Variants in PLA2G4F observed in about 807,000 individuals in gnomAD.
The protein encoded by PLA2G4F is cytosolic phospholipase A2 zeta.
Under a neutral mutation model 103.1 loss-of-function variants are expected in PLA2G4F, and 105 were observed. The observed-to-expected ratio is 1.02, with a 90% CI of 0.87 to 1.20. PLA2G4F has a LOEUF of 1.20. PLA2G4F is among the 50% of genes most tolerant of loss of function. The probability of loss-of-function intolerance (pLI) is 0.00; values close to 1 mark genes in which losing one functional copy is unlikely to be tolerated. For synonymous variants in PLA2G4F, 468 were observed against 441.1 expected (o/e 1.06, Z -0.76); for missense variants, 1,155 against 1,075.9 (o/e 1.07, Z -1.03).
At chr15:42,143,952 C>T in intron 18 of PLA2G4F, 26 bp downstream of exon 18, 2 of 1,581,020 alleles carry the variant, frequency 1.3e-6, no homozygotes, top group African/African-American at 1.3e-5. Context: ...TGCAGGTGCT[C>T]CCCACATCCC....
rs775994256 is a variant in PLA2G4F at position 42,150,419 on chromosome 15, G to C, written c.839C>G (p.Ser280Cys). Residue 280 changes from serine (S) to cysteine (C), a missense_variant, in exon 9 of 20, where the codon TCT (serine) becomes TGT (cysteine). Ser to Cys is a moderately radical substitution (Grantham distance 112). Around this residue, in one of 3 missense-constraint regions of PLA2G4F, gnomAD observed 370 missense variants for 364.9 expected, o/e 1.01. Transcript: ENST00000397272. ...CTGTTCCTCCTGGCCTAGGGGCAGA[G>C]AGGAGAGCAGGATGCCCCCCTCGCC... ...KLGEGGILLS[S>C]LPLGQEEQCS... 6 of 1,613,224 alleles carry C rather than the reference G, an allele frequency of 3.7e-6. No individual in the cohort carries two copies. Among genetic ancestry groups the C allele is most frequent in the Non-Finnish European group, 5.1e-6 (6 of 1,179,946 alleles).
chr15:42,151,734 A>T (rs2048964421), intron 7 of PLA2G4F: 2 of 863,974 alleles, frequency 2.3e-6, no homozygotes, highest in Non-Finnish European at 2.8e-6. Context: ...GAGACGTGCT[A>T]TTCATAAGAA....
At chr15:42,151,315 C>T (rs2048959771) in intron 7 of PLA2G4F, 1 of 985,146 alleles carries the variant, frequency 1.0e-6, no homozygotes, top group African/African-American at 1.7e-5. Context: ...GATGCACGTC[C>T]TGGAGAAGCG....
Position 42,145,664 on chromosome 15 carries a change from A to G in PLA2G4F, c.1691T>C (p.Phe564Ser), listed in dbSNP as rs1566878414. 2 of 1,614,082 alleles carry G rather than the reference A, an allele frequency of 1.2e-6. No homozygotes were observed. The highest frequency in any genetic ancestry group is 1.1e-5 in the South Asian group (1 of 91,086). The part of the protein sequence containing the change: ...CYLQGMWGSA[F>S]ATSLDEIFLK... The stretch of plus-strand genomic sequence containing the variant: ...GAAGATCTCATCCAGGCTGGTGGCA[A>G]AGGCGCTGCCCCACATACCTAAGGA... The change falls in exon 16 of 20, where the codon TTT becomes TCT. Residue 564 changes from phenylalanine to serine, a missense_variant. Physicochemically the swap from Phe to Ser is radical, Grantham distance 155 (BLOSUM62 -2). Coordinates refer to ENST00000397272, the MANE Select transcript of PLA2G4F (RefSeq NM_213600.4).
rs1195405720 is a variant in PLA2G4F at position 42,142,533 on chromosome 15, G to A, written c.2324C>T (p.Ala775Val). 9 of 1,612,970 alleles carry A rather than the reference G, an allele frequency of 5.6e-6. No individual in the cohort carries two copies. In the East Asian group the frequency reaches 6.7e-5, roughly 12 times the overall value. ...LVNRTFRTHLAPGVERQTAEE... is the reference protein window; with the variant it reads ...LVNRTFRTHLVPGVERQTAEE... ...AGGCCTGGAGCTTCCCTTACCTGGGGCCAGGTGTGTGCGGAAGGTACGGTT... is the reference window on the plus strand; with the variant it reads ...AGGCCTGGAGCTTCCCTTACCTGGGACCAGGTGTGTGCGGAAGGTACGGTT... Residue 775 changes from alanine (A) to valine (V), a missense_variant, in exon 19 of 20, where the codon GCC (alanine) becomes GTC (valine). Coordinates refer to ENST00000397272, the MANE Select transcript of PLA2G4F (RefSeq NM_213600.4).
chr15:42,146,006 C>G, intron 14 of PLA2G4F, 103 bp from the exon 15 acceptor site: 2 of 1,587,130 alleles, frequency 1.3e-6, no homozygotes, highest in Non-Finnish European at 1.7e-6. Flanking sequence ...AAGCAGCAGC[C>G]CCGCTGTGCT....
At chr15:42,151,972 C>T (rs1288948758) in intron 7 of PLA2G4F, among the ~76,000 whole-genome samples, 1 of 152,194 alleles carries the variant, frequency 6.6e-6, no homozygotes, top group Non-Finnish European at 1.5e-5. Flanking sequence ...ACTCAGGGTT[C>T]CCTGGGCAGG....
chr15:42,147,749 G>A lies in PLA2G4F; in HGVS notation c.1073C>T (p.Ala358Val), dbSNP rs2140806882. 2 of 1,611,296 alleles carry A rather than the reference G, an allele frequency of 1.2e-6. No individual in the cohort carries two copies. The highest frequency in any genetic ancestry group is 8.5e-7 in the Non-Finnish European group (1 of 1,178,644). ...GGTTCCACCCCCGGAACCCAACACAGCCACTACAGGCACCTGGGTACAATA... is the reference window on the plus strand; with the variant it reads ...GGTTCCACCCCCGGAACCCAACACAACCACTACAGGCACCTGGGTACAATA... ...ALDSGQVPVV[A>V]VLGSGGGTRA... is the part of the protein sequence containing the mutation. Residue 358 changes from alanine (A) to valine (V), a missense_variant, in exon 12 of 20, where the codon GCT becomes GTT. By Grantham distance (64) the Ala-to-Val change is moderately conservative. Coordinates refer to ENST00000397272, the MANE Select transcript of PLA2G4F (RefSeq NM_213600.4).
intron 17 of PLA2G4F, 26 bp downstream of exon 17, chr15:42,144,424 C>T (rs763483161): frequency 7.0e-5 from 113 of 1,609,952 alleles, no homozygotes; most frequent in Non-Finnish European, 8.6e-5. Context: ...GGAAGCCCCC[C>T]ATCTCCCACC....
intron 7 of PLA2G4F, 129 bp from the exon 8 acceptor site, chr15:42,150,906 C>G (rs1196875737): frequency 1.4e-6 from 2 of 1,472,264 alleles, no homozygotes; most frequent in South Asian, 1.4e-5. Flanking sequence ...CTCTTATCGC[C>G]CGCTCTCTCT....
chr15:42,151,729 G>A lies in PLA2G4F; in HGVS notation c.602-952C>T, dbSNP rs548338649. ...AAGGCCTATGGACTGAGATGGAGAC[G>A]TGCTATTCATAAGAAGAAACCATAT... On this transcript the variant is annotated intron_variant, in intron 7 of 19. Transcript: ENST00000397272. 43 of 875,026 alleles carry A rather than the reference G, an allele frequency of 4.9e-5. 1 individual carries two copies. In the African/African-American group the frequency reaches 5.3e-4, roughly 11 times the overall value. 54.2% of individuals were successfully genotyped at this position (875,026 alleles called of 1,614,324 possible). A position where few individuals can be genotyped will look rare whatever the true frequency, so the allele number is the denominator to read the frequency against.
intron 19 of PLA2G4F, 103 bp from the exon 20 acceptor site, chr15:42,142,307 C>A (rs654527): frequency 0.69 from 861,218 of 1,244,630 alleles, 301,106 homozygotes; most frequent in African/African-American, 0.92. Flanking sequence ...GGCTGGCTCC[C>A]TGCGGGCCCT....
chr15:42,142,130 T>C lies in PLA2G4F; in HGVS notation c.2404A>G (p.Met802Val). ...VINRPDTPYGMMNFTYEPQDF... is the reference protein window; with the variant it reads ...VINRPDTPYGVMNFTYEPQDF... ...TGGGGCTCATAGGTGAAGTTCATCA[T>C]GCCATAGGGGGTGTCTGGCCTGTTG... is the stretch of plus-strand genomic sequence containing the variant. Residue 802 changes from methionine to valine, a missense_variant, in exon 20 of 20, where the codon ATG becomes GTG. Around this residue, in one of 3 missense-constraint regions of PLA2G4F, gnomAD observed 782 missense variants for 692.9 expected, o/e 1.13. Transcript: ENST00000397272. The C allele has an allele frequency of 6.2e-7, 1 of 1,614,198 alleles. No homozygotes were observed. Among genetic ancestry groups the C allele is most frequent in the Non-Finnish European group, 8.5e-7 (1 of 1,180,024 alleles).
rs1426653429 is a variant in PLA2G4F, at chr15:42,153,360, T to A, written c.492-18A>T. On this transcript the variant is annotated intron_variant, in intron 5 of 19. Transcript: ENST00000397272. Reference sequence around the variant, plus strand: ...GCACCTGGCTGCAAAGGATGAGGAATACATGGAGAATACATCTGGCCCCAT... The same window carrying A: ...GCACCTGGCTGCAAAGGATGAGGAAAACATGGAGAATACATCTGGCCCCAT... 1 of 1,612,388 alleles carries A rather than the reference T, an allele frequency of 6.2e-7. No individual in the cohort carries two copies. The highest frequency in any genetic ancestry group is 8.5e-7 in the Non-Finnish European group (1 of 1,178,638).
At chr15:42,155,323 C>T (rs756328273) in intron 2 of PLA2G4F, among the ~76,000 whole-genome samples, 194 bp downstream of exon 2, 1 of 151,414 alleles carries the variant, frequency 6.6e-6, no homozygotes, top group East Asian at 1.9e-4. Flanking sequence ...TACACATGTA[C>T]TCACACTTGC....
intron 10 of PLA2G4F, 88 bp from the exon 11 acceptor site, chr15:42,149,936 A>T: frequency 2.6e-6 from 4 of 1,549,448 alleles, no homozygotes; most frequent in Non-Finnish European, 3.6e-6. Flanking sequence ...GGTCTTTCAC[A>T]GGAGCAGGTC....
chr15:42,153,165 G>GTGCCTCCCTA, intron 6 of PLA2G4F, 135 bp downstream of exon 6: 1 of 1,040,852 alleles, frequency 9.6e-7, no homozygotes, highest in Non-Finnish European at 1.4e-6. Context: ...CCCTCTGGAG[G>GTGCCTCCCTA]TGCCTCCCTA....
At chr15:42,153,422 G>A in intron 5 of PLA2G4F, 80 bp from the exon 6 acceptor site, 1 of 1,550,702 alleles carries the variant, frequency 6.4e-7, no homozygotes, top group Non-Finnish European at 8.9e-7. Context: ...GACTGAAGCA[G>A]CGGGCAGAGC....
At chr15:42,151,373 T>A in intron 7 of PLA2G4F, 4 of 980,934 alleles carry the variant, frequency 4.1e-6, no homozygotes, top group Non-Finnish European at 4.8e-6. Flanking sequence ...CTGGGAGGAG[T>A]GAGGGGGTGG....
Sources: gnomAD v4.1 joint callset for allele counts (sites outside exome capture counted in the v4.1 genomes callset) on GRCh38, gnomAD v4.1.1 for gene constraint, gnomAD v4.1.1 regional missense constraint, MANE v1.5 for transcripts, NCBI Gene and HGNC (gene_info 2026-07-23, HGNC 2026-07-21) for gene names.